The following CNTN3 variants were observed in gnomAD, a reference collection of about 807,000 sequenced individuals.
CNTN3 encodes contactin-3.
In CNTN3, 60 loss-of-function variants were observed where a neutral mutation model predicts 119.1. The observed-to-expected ratio is 0.50, with a 90% CI of 0.41 to 0.62. The LOEUF (loss-of-function observed/expected upper bound fraction) is 0.62, where lower values mean the gene tolerates loss of function less well. Among genes scored for constraint, CNTN3 ranks in the 20% least tolerant of loss-of-function variants. The pLI is 0.00. For synonymous variants in CNTN3, 450 were observed against 438.7 expected, an observed-to-expected ratio of 1.03 and a Z score of -0.32; for missense variants, 1,101 against 1,242.4, an observed-to-expected ratio of 0.89 and a Z score of 1.71.
intron 5 of CNTN3, among the ~76,000 whole-genome samples, chr3:74,376,149 C>T (rs180758236): frequency 1.6e-4 from 25 of 152,304 alleles, no homozygotes; most frequent in Admixed American, 8.5e-4. Flanking sequence ...CAAAGCCCTG[C>T]TGACACCTTG....
At chr3:74,572,898 A>G (rs1704357127) in intron 1 of CNTN3, among the ~76,000 whole-genome samples, 1 of 152,220 alleles carries the variant, frequency 6.6e-6, no homozygotes, top group African/African-American at 2.4e-5. Context: ...GGAGGGTCTA[A>G]GACTTCATCT....
intron 19 of CNTN3, among the ~76,000 whole-genome samples, chr3:74,291,645 C>G (rs1702234238): frequency 1.3e-5 from 2 of 152,148 alleles, no homozygotes; most frequent in African/African-American, 4.8e-5. Context: ...TCCCAAAGTG[C>G]TGGGATTACA....
In CNTN3 at chr3:74,473,603, C is replaced by T. The variant is rs186927980; in HGVS notation, c.358+12853G>A. 9.2e-5 allele frequency among the ~76,000 whole-genome samples: 14 copies of T among 152,238 alleles called. No homozygotes were observed. In the East Asian group the frequency reaches 2.5e-3, roughly 27 times the overall value. ...GAGCATCTACTACATTCCAGGAAAA[C>T]TGCCAGTTTGTAGGAATGTACCAGT... On this transcript the variant is annotated intron_variant, in intron 4 of 22. Transcript: ENST00000263665.
At chr3:74,289,115 T>C (rs1039032021) in intron 19 of CNTN3, among the ~76,000 whole-genome samples, 10 of 152,324 alleles carry the variant, frequency 6.6e-5, no homozygotes, top group African/African-American at 2.2e-4. Context: ...GATAATTAAA[T>C]ACTCTGCCAA....
chr3:74,436,636 T>TA (rs1559600670), intron 4 of CNTN3, among the ~76,000 whole-genome samples: 1 of 152,102 alleles, frequency 6.6e-6, no homozygotes, highest in African/African-American at 2.4e-5. Context: ...GTTGTTTATA[T>TA]AAAAACAAAT....
At chr3:74,479,660 C>A (rs4677400) in intron 4 of CNTN3, among the ~76,000 whole-genome samples, 145,190 of 152,040 alleles carry the variant, frequency 0.95, 69,652 homozygotes, top group East Asian at 1. Flanking sequence ...CCAAGAAAGA[C>A]GAAGATGTGG....
At chr3:74,424,644 T>G (rs1701667216) in intron 5 of CNTN3, among the ~76,000 whole-genome samples, 1 of 152,178 alleles carries the variant, frequency 6.6e-6, no homozygotes, top group African/African-American at 2.4e-5. Flanking sequence ...AACCAAAAAG[T>G]CAATGAGTCG....
At position 74,424,865 on chromosome 3, in the gene CNTN3, C is replaced by A. The variant is rs1388559105; in HGVS notation, c.434G>T (p.Gly145Val). ...CTTACCTCCAGAGTGTGGTGGGGGGCCGCAGAGCAGCACAACTCCCTGGCC... is the reference window on the plus strand; with the variant it reads ...CTTACCTCCAGAGTGTGGTGGGGGGACGCAGAGCAGCACAACTCCCTGGCC... The part of the protein sequence containing the change: ...REGQGVVLLC[G>V]PPPHSGELSY... The change falls in exon 5 of 23, where the codon GGC (glycine) becomes GTC (valine). Residue 145 changes from glycine (G) to valine (V), a missense_variant. Gly to Val is a moderately radical substitution (Grantham distance 109, BLOSUM62 -3). Coordinates refer to ENST00000263665, the MANE Select transcript of CNTN3 (RefSeq NM_020872.3). 1.9e-6 allele frequency: 3 copies of A among 1,613,434 alleles called. No individual in the cohort carries two copies. Among genetic ancestry groups the A allele is most frequent in the Non-Finnish European group, 2.5e-6 (3 of 1,179,700 alleles).
intron 4 of CNTN3, among the ~76,000 whole-genome samples, chr3:74,456,660 A>C (rs893991023): frequency 6.6e-6 from 1 of 152,052 alleles, no homozygotes; most frequent in African/African-American, 2.4e-5. Context: ...CCTAAAACAA[A>C]ACATTTGGAT....
chr3:74,496,346 A>G (rs2107069875), intron 3 of CNTN3, among the ~76,000 whole-genome samples: 1 of 152,264 alleles, frequency 6.6e-6, no homozygotes, highest in East Asian at 1.9e-4. Flanking sequence ...GTAATACCGG[A>G]CCAGGATTCC....
chr3:74,450,157 T>A, intron 4 of CNTN3, among the ~76,000 whole-genome samples: 1 of 152,100 alleles, frequency 6.6e-6, no homozygotes, highest in Non-Finnish European at 1.5e-5. Context: ...CTATATTTCT[T>A]TAGTAGGAAA....
chr3:74,443,399 T>C lies in CNTN3; in HGVS notation c.359-18459A>G, dbSNP rs144462809. Among the ~76,000 whole-genome samples the C allele has an allele frequency of 1.6e-4, 25 of 152,264 alleles. No individual in the cohort carries two copies. In the East Asian group the frequency reaches 4.4e-3, roughly 27 times the overall value. Reference sequence around the variant, plus strand: ...CCTGTCCTCCTGACCAGTCTCATATTCCTCCCATCCAGTCTACCAACTGTG... The same window carrying C: ...CCTGTCCTCCTGACCAGTCTCATATCCCTCCCATCCAGTCTACCAACTGTG... On this transcript the variant is annotated intron_variant, in intron 4 of 22. Coordinates refer to ENST00000263665, the MANE Select transcript of CNTN3 (RefSeq NM_020872.3).
chr3:74,369,154 G>A (rs1254366366), intron 8 of CNTN3, 35 bp downstream of exon 8: 2 of 1,501,008 alleles, frequency 1.3e-6, no homozygotes, highest in Non-Finnish European at 1.8e-6. Context: ...GAAAGTAAAA[G>A]CTAAAACTCC....
chr3:74,505,296 T>G (rs1703236770), intron 2 of CNTN3, among the ~76,000 whole-genome samples: 1 of 152,060 alleles, frequency 6.6e-6, no homozygotes, highest in Admixed American at 6.6e-5. Flanking sequence ...TGCTAAGAAC[T>G]TCTAGATAAA....
At chr3:74,489,057 C>A (rs953970886) in intron 3 of CNTN3, among the ~76,000 whole-genome samples, 2 of 152,086 alleles carry the variant, frequency 1.3e-5, no homozygotes, top group Non-Finnish European at 2.9e-5. Flanking sequence ...CCTAGAACTA[C>A]AGAAATTCAG....
rs1356112788 is a variant in CNTN3 at position 74,298,080 on chromosome 3, T to C, written c.2278A>G (p.Arg760Gly). 4 of 1,613,918 alleles carry C rather than the reference T, an allele frequency of 2.5e-6. No individual in the cohort carries two copies. The highest frequency in any genetic ancestry group is 1.7e-5 in the Admixed American group (1 of 59,998). The part of the protein sequence containing the change: ...QTVVTSPDTP[R>G]YVFRNESIVP... ...ATGCTTTCATTCCTAAAGACATATC[T>C]TGGGGTGTCAGGGGATGTCACCACT... Residue 760 changes from arginine (R) to glycine (G), a missense_variant, in exon 18 of 23, where the codon AGA becomes GGA. Physicochemically the swap from Arg to Gly is moderately radical, Grantham distance 125. Coordinates refer to ENST00000263665, the MANE Select transcript of CNTN3 (RefSeq NM_020872.3).
intron 3 of CNTN3, among the ~76,000 whole-genome samples, chr3:74,496,201 C>T (rs960892047): frequency 6.6e-6 from 1 of 152,138 alleles, no homozygotes; most frequent in Non-Finnish European, 1.5e-5. Flanking sequence ...ACAAGGCCCA[C>T]ATGGGCCACA....
chr3:74,402,200 C>A (rs1460074850), intron 5 of CNTN3, among the ~76,000 whole-genome samples: 3 of 152,170 alleles, frequency 2.0e-5, no homozygotes, highest in Non-Finnish European at 4.4e-5. Flanking sequence ...GGCTACGTCC[C>A]AAAACCCCCA....
At chr3:74,438,097 T>C (rs112485656) in intron 4 of CNTN3, among the ~76,000 whole-genome samples, 108 of 152,324 alleles carry the variant, frequency 7.1e-4, no homozygotes, top group African/African-American at 2.5e-3. Flanking sequence ...AAAGAGATCA[T>C]ATAAAATGAC....
Sources: allele counts gnomAD v4.1 joint callset (sites outside exome capture counted in the v4.1 genomes callset), GRCh38; gene constraint gnomAD v4.1.1; transcripts MANE v1.5; gene names NCBI Gene and HGNC (gene_info 2026-07-23, HGNC 2026-07-21).